The following ITPRID1 variants were observed in gnomAD, a reference collection of about 807,000 sequenced individuals.
ITPRID1 encodes ITPR interacting domain containing 1.
ITPRID1 carries 96 observed loss-of-function variants against 95.4 expected under a neutral mutation model. The observed-to-expected ratio is 1.01, with a 90% confidence interval of 0.85 to 1.19. The LOEUF (loss-of-function observed/expected upper bound fraction) is 1.19, where lower values mean the gene tolerates loss of function less well. Ranked by LOEUF, ITPRID1 falls within the 50% of genes most tolerant of loss-of-function variation. The pLI, the probability that ITPRID1 is intolerant of heterozygous loss-of-function variation, is 0.00. For missense variants in ITPRID1, 1,339 were observed against 1,252.9 expected (o/e 1.07, Z -1.04); for synonymous variants, 510 against 453.6 (o/e 1.12, Z -1.58).
chr7:31,585,284 C>T (rs1430997613), intron 10 of ITPRID1, among the ~76,000 whole-genome samples: 1 of 152,170 alleles, frequency 6.6e-6, no homozygotes, highest in African/African-American at 2.4e-5. Flanking sequence ...AGTAGTAAGA[C>T]TGTATTGCCT....
At chr7:31,595,519 C>T (rs900250519) in intron 10 of ITPRID1, among the ~76,000 whole-genome samples, 1 of 152,060 alleles carries the variant, frequency 6.6e-6, no homozygotes, top group Non-Finnish European at 1.5e-5. Flanking sequence ...CCATCCTAAA[C>T]AAAAGTATAG....
intron 9 of ITPRID1, among the ~76,000 whole-genome samples, chr7:31,581,362 T>G (rs1785398203): frequency 6.6e-6 from 1 of 152,238 alleles, no homozygotes; most frequent in African/African-American, 2.4e-5. Context: ...TGCTTAATTT[T>G]ACTCAGTAAA....
intron 10 of ITPRID1, among the ~76,000 whole-genome samples, chr7:31,621,100 G>A (rs1464871825): frequency 6.6e-6 from 1 of 152,008 alleles, no homozygotes; most frequent in African/African-American, 2.4e-5. Flanking sequence ...AGAAATATGG[G>A]ACTATGTGAA....
intron 7 of ITPRID1, 100 bp from the exon 8 acceptor site, chr7:31,574,440 T>C: frequency 1.9e-6 from 2 of 1,046,922 alleles, no homozygotes; most frequent in Non-Finnish European, 2.9e-6. Context: ...AGGATCCTCT[T>C]TCACTCAGTA....
intron 5 of ITPRID1, among the ~76,000 whole-genome samples, chr7:31,560,413 A>G (rs1408436274): frequency 6.6e-6 from 1 of 152,188 alleles, no homozygotes. Context: ...TTTTAAAAGA[A>G]CAACTTTAGC....
At chr7:31,633,259 C>T (rs867135271) in intron 10 of ITPRID1, among the ~76,000 whole-genome samples, 1 of 152,162 alleles carries the variant, frequency 6.6e-6, no homozygotes, top group Non-Finnish European at 1.5e-5. Flanking sequence ...AGGAGTTCGA[C>T]ACATTCTGCA....
At chr7:31,603,319 T>C (rs1706477494) in intron 10 of ITPRID1, among the ~76,000 whole-genome samples, 1 of 152,096 alleles carries the variant, frequency 6.6e-6, no homozygotes, top group African/African-American at 2.4e-5. Flanking sequence ...GCATTCTAGC[T>C]TCCCAGCATG....
In ITPRID1 at chr7:31,554,873, A is replaced by G; in HGVS notation, c.228A>G (p.Glu76=). ...TTCTTTACAGTGTCTCTGCAAATGA[A>G]AACTTTCAACAAGTCATTGACCGCA... ...LDSGFFVSAN[E]NFQQVIDRTV... The change falls in exon 5 of 15, where the codon GAA becomes GAG. Residue 76 remains glutamate, a synonymous_variant. Transcript: ENST00000615280. 2 of 1,581,810 alleles carry G rather than the reference A, an allele frequency of 1.3e-6. No homozygotes were observed. Among genetic ancestry groups the G allele is most frequent in the Non-Finnish European group, 1.7e-6 (2 of 1,161,620 alleles).
chr7:31,603,181 A>T (rs1786471180), intron 10 of ITPRID1, among the ~76,000 whole-genome samples: 1 of 152,090 alleles, frequency 6.6e-6, no homozygotes, highest in African/African-American at 2.4e-5. Flanking sequence ...AATCAATCAG[A>T]GATGTAACCA....
chr7:31,655,398 G>C lies in ITPRID1; in HGVS notation c.*2569G>C, dbSNP rs1791251362. ...AATTACCTGGCGACAGTGCAACATA[G>C]GTGCTTCCTAACTGCCTCCAGCCAC... is the stretch of plus-strand genomic sequence containing the variant. On this transcript the variant is annotated 3_prime_UTR_variant, in exon 15 of 15. Transcript: ENST00000615280. Among the ~76,000 whole-genome samples, 1 of 152,158 alleles carries C rather than the reference G, an allele frequency of 6.6e-6. No individual in the cohort carries two copies. The highest frequency in any genetic ancestry group is 6.6e-5 in the Admixed American group (1 of 15,264).
chr7:31,638,724 A>G (rs765073096), intron 10 of ITPRID1, among the ~76,000 whole-genome samples: 1 of 151,994 alleles, frequency 6.6e-6, no homozygotes, highest in Non-Finnish European at 1.5e-5. Context: ...GTTGATTTTA[A>G]GGGTTTTTAT....
chr7:31,540,235 C>T (rs919788034), intron 1 of ITPRID1, among the ~76,000 whole-genome samples: 1 of 152,010 alleles, frequency 6.6e-6, no homozygotes, highest in Non-Finnish European at 1.5e-5. Flanking sequence ...TCCCTGGGTT[C>T]CATGGACTCA....
chr7:31,576,606 C>A (rs1183742277), intron 8 of ITPRID1, among the ~76,000 whole-genome samples: 3 of 152,272 alleles, frequency 2.0e-5, no homozygotes, highest in Admixed American at 2.0e-4. Flanking sequence ...TCCTATAGGT[C>A]TTGGAAAAAT....
intron 1 of ITPRID1, among the ~76,000 whole-genome samples, chr7:31,531,872 GT>G (rs34066042): frequency 0.59 from 89,024 of 151,930 alleles, 27,097 homozygotes; most frequent in Middle Eastern, 0.71. Flanking sequence ...GGTGTGTTAG[GT>G]TTTTGGGTCA....
intron 1 of ITPRID1, among the ~76,000 whole-genome samples, chr7:31,528,770 C>G (rs1212337492): frequency 6.6e-6 from 1 of 152,170 alleles, no homozygotes; most frequent in Non-Finnish European, 1.5e-5. Flanking sequence ...CCTCTTTAAT[C>G]TCAGAACTTC....
At chr7:31,606,958 A>AT (rs1021122968) in intron 10 of ITPRID1, among the ~76,000 whole-genome samples, 4 of 151,586 alleles carry the variant, frequency 2.6e-5, no homozygotes, top group Admixed American at 2.6e-4. Context: ...CATTTTTATT[A>AT]TTTTTCTCCC....
chr7:31,643,591 G>A lies in ITPRID1; in HGVS notation c.2221G>A (p.Asp741Asn). 6.2e-7 allele frequency: 1 copy of A among 1,614,060 alleles called. No homozygotes were observed. Among genetic ancestry groups the A allele is most frequent in the Non-Finnish European group, 8.5e-7 (1 of 1,179,908 alleles). The change falls in exon 12 of 15, where the codon GAT becomes AAT. Residue 741 changes from aspartate (D) to asparagine (N), a missense_variant. Physicochemically the swap from Asp to Asn is conservative, Grantham distance 23. Transcript: ENST00000615280. ...RGTSLECTVCDPVTATETRLG... is the reference protein window; with the variant it reads ...RGTSLECTVCNPVTATETRLG... ...AACATCTTTAGAATGCACTGTGTGTGATCCTGTTACCGCAACAGAAACAAG... is the reference window on the plus strand; with the variant it reads ...AACATCTTTAGAATGCACTGTGTGTAATCCTGTTACCGCAACAGAAACAAG...
At chr7:31,632,723 G>C (rs17160329) in intron 10 of ITPRID1, among the ~76,000 whole-genome samples, 5 of 152,036 alleles carry the variant, frequency 3.3e-5, no homozygotes, top group Non-Finnish European at 7.4e-5. Flanking sequence ...TGGTCAGACC[G>C]TCATCCCTAC....
intron 5 of ITPRID1, among the ~76,000 whole-genome samples, chr7:31,559,474 A>C (rs1187647724): frequency 6.6e-6 from 1 of 152,160 alleles, no homozygotes; most frequent in Non-Finnish European, 1.5e-5. Flanking sequence ...CAGCCTGGCC[A>C]ACATGGCAAA....
Sources: gnomAD v4.1 joint callset for allele counts (sites outside exome capture counted in the v4.1 genomes callset) on GRCh38, gnomAD v4.1.1 for gene constraint, MANE v1.5 for transcripts, NCBI Gene and HGNC (gene_info 2026-07-23, HGNC 2026-07-21) for gene names.